Variants in CHRM3 observed in about 807,000 individuals in gnomAD.
CHRM3 encodes cholinergic receptor muscarinic 3, also known as muscarinic acetylcholine receptor M3.
CHRM3 carries 11 observed loss-of-function variants against 41.8 expected under a neutral mutation model. The ratio of observed to expected loss-of-function variants is 0.26; its 90% CI spans 0.17 to 0.44. The LOEUF (loss-of-function observed/expected upper bound fraction) is 0.44. CHRM3 is among the 20% of genes least tolerant of loss of function. The pLI is 1.00. For missense variants in CHRM3, 571 were observed against 745.4 expected, an observed-to-expected ratio of 0.77 and a Z score of 2.72; for synonymous variants, 297 against 301.4, an observed-to-expected ratio of 0.99 and a Z score of 0.15.
chr1:239,831,657 C>A (rs77405481), intron 6 of CHRM3, among the ~76,000 whole-genome samples: 9,586 of 152,126 alleles, frequency 0.063, 401 homozygotes, highest in South Asian at 0.2. Context: ...CATAGCCTGG[C>A]AAATATCTGT....
chr1:239,708,140 A>G (rs1661368998), intron 5 of CHRM3, among the ~76,000 whole-genome samples: 1 of 152,198 alleles, frequency 6.6e-6, no homozygotes, highest in African/African-American at 2.4e-5. Context: ...GTTTCAGACT[A>G]AACCATGTGT....
intron 4 of CHRM3, among the ~76,000 whole-genome samples, chr1:239,661,267 A>G (rs1444372905): frequency 1.3e-5 from 2 of 152,234 alleles, no homozygotes; most frequent in Non-Finnish European, 2.9e-5. Context: ...ATAACATTAT[A>G]AACTTCTAAG....
intron 1 of CHRM3, among the ~76,000 whole-genome samples, chr1:239,416,943 C>T (rs1258760804): frequency 5.3e-5 from 8 of 152,134 alleles, no homozygotes; most frequent in Non-Finnish European, 1.2e-4. Context: ...CTGTCAGTTT[C>T]ATGGACTGAG....
intron 5 of CHRM3, among the ~76,000 whole-genome samples, chr1:239,686,160 A>G (rs1335027357): frequency 6.6e-6 from 1 of 152,148 alleles, no homozygotes; most frequent in African/African-American, 2.4e-5. Context: ...CACTGATTCC[A>G]GAGTAATCTA....
intron 6 of CHRM3, among the ~76,000 whole-genome samples, chr1:239,874,385 AT>A (rs572700555): frequency 6.9e-6 from 1 of 144,298 alleles, no homozygotes; most frequent in Non-Finnish European, 1.5e-5. Context: ...TAATATGCAG[AT>A]TTTTTTCAGC....
chr1:239,888,893 A>C (rs1039086418), intron 6 of CHRM3, among the ~76,000 whole-genome samples: 2 of 152,162 alleles, frequency 1.3e-5, no homozygotes, highest in Non-Finnish European at 2.9e-5. Context: ...TGGTTTATGC[A>C]GACTGAGTAA....
rs965202315 is a variant in CHRM3 at position 239,913,217 on chromosome 1, C to T, written c.*3993C>T. 6.0e-6 allele frequency: 1 copy of T among 166,958 alleles called. No individual in the cohort carries two copies. The highest frequency in any genetic ancestry group is 1.5e-5 in the Non-Finnish European group (1 of 68,098). 10.3% of individuals were successfully genotyped at this position (166,958 alleles called of 1,614,324 possible). On this transcript the variant is annotated 3_prime_UTR_variant, in exon 7 of 7. Transcript: ENST00000676153. Reference sequence around the variant, plus strand: ...CCCGGAGTAGTATGGTTTCAAATACCACTCCAACCCAGCACCTGAGGTCGG... The same window carrying T: ...CCCGGAGTAGTATGGTTTCAAATACTACTCCAACCCAGCACCTGAGGTCGG...
At chr1:239,885,850 G>A (rs1394633655) in intron 6 of CHRM3, among the ~76,000 whole-genome samples, 2 of 152,178 alleles carry the variant, frequency 1.3e-5, no homozygotes, top group African/African-American at 2.4e-5. Context: ...CCAGGGCACT[G>A]GGTGAAAATA....
chr1:239,724,927 C>T (rs548100289), intron 5 of CHRM3, among the ~76,000 whole-genome samples: 2 of 152,026 alleles, frequency 1.3e-5, no homozygotes, highest in South Asian at 4.2e-4. Context: ...GCTGAAATTA[C>T]AGTCATGACC....
intron 1 of CHRM3, among the ~76,000 whole-genome samples, chr1:239,464,234 C>T (rs185351010): frequency 3.3e-5 from 5 of 149,258 alleles, no homozygotes; most frequent in Admixed American, 2.0e-4. Flanking sequence ...GAACCAAGAT[C>T]GTGCCACTGC....
intron 6 of CHRM3, among the ~76,000 whole-genome samples, chr1:239,894,527 G>A (rs1444943554): frequency 6.6e-6 from 1 of 152,150 alleles, no homozygotes; most frequent in Non-Finnish European, 1.5e-5. Context: ...CTGCCTCCCA[G>A]GTTCAAGCGA....
chr1:239,522,863 T>G (rs1291455162), intron 2 of CHRM3, among the ~76,000 whole-genome samples: 2 of 152,166 alleles, frequency 1.3e-5, no homozygotes, highest in Admixed American at 1.3e-4. Context: ...AATGTAGTGG[T>G]GTAGCAAAAT....
chr1:239,397,257 AAAG>A, intron 1 of CHRM3, among the ~76,000 whole-genome samples: 1 of 152,340 alleles, frequency 6.6e-6, no homozygotes, highest in East Asian at 1.9e-4. Flanking sequence ...TTTGCTCCAT[AAAG>A]AATAGGTGAC....
intron 6 of CHRM3, among the ~76,000 whole-genome samples, chr1:239,857,645 T>A (rs563258454): frequency 2.6e-5 from 4 of 152,344 alleles, no homozygotes; most frequent in South Asian, 2.1e-4. Context: ...TTCTGATTAT[T>A]TAGCGATGCC....
intron 6 of CHRM3, among the ~76,000 whole-genome samples, chr1:239,872,705 G>A (rs955397110): frequency 3.9e-5 from 6 of 152,122 alleles, no homozygotes; most frequent in Non-Finnish European, 5.9e-5. Flanking sequence ...AGAAAAATCC[G>A]AATGTAACAT....
At chr1:239,840,498 A>G (rs557864117) in intron 6 of CHRM3, among the ~76,000 whole-genome samples, 1 of 152,338 alleles carries the variant, frequency 6.6e-6, no homozygotes, top group South Asian at 2.1e-4. Context: ...AAAAAATTCA[A>G]TTCTGTGAGC....
rs199778744 is a variant in CHRM3, at chr1:239,678,255, C to T, written c.-180C>T. On this transcript the variant is annotated 5_prime_UTR_variant, in exon 5 of 7. Transcript: ENST00000676153. ...TCAACATACAGCACAATTCTGGACA[C>T]ATTGTATTGGTTTGATGCTCCTACC... The T allele has an allele frequency of 3.9e-5, 6 of 152,164 alleles. No individual in the cohort carries two copies. Among genetic ancestry groups the T allele is most frequent in the Non-Finnish European group, 7.3e-5 (5 of 68,040 alleles). 9.4% of individuals were successfully genotyped at this position (152,164 alleles called of 1,614,324 possible). A position where few individuals can be genotyped will look rare whatever the true frequency, so the allele number is the denominator to read the frequency against.
intron 4 of CHRM3, among the ~76,000 whole-genome samples, chr1:239,639,814 G>A (rs939677334): frequency 3.4e-5 from 5 of 147,924 alleles, no homozygotes; most frequent in South Asian, 2.2e-4. Context: ...AATAGGAGTG[G>A]TGAGAGAGGG....
intron 3 of CHRM3, among the ~76,000 whole-genome samples, chr1:239,552,346 T>A (rs1294657157): frequency 6.8e-6 from 1 of 148,030 alleles, no homozygotes. Context: ...TGTATCATAT[T>A]TTATATATGT....
Sources: allele counts gnomAD v4.1 joint callset (sites outside exome capture counted in the v4.1 genomes callset), GRCh38; gene constraint gnomAD v4.1.1; transcripts MANE v1.5; gene names NCBI Gene and HGNC (gene_info 2026-07-23, HGNC 2026-07-21).